ADGRB3: variants seen among roughly 807,000 people sequenced by gnomAD.
ADGRB3 encodes brain-specific angiogenesis inhibitor 3.
A neutral mutation model predicts 193.4 loss-of-function variants in ADGRB3; 37 were observed. The ratio of observed to expected loss-of-function variants is 0.19; its 90% CI spans 0.15 to 0.25. The LOEUF is 0.25. Among genes scored for constraint, ADGRB3 ranks in the 10% least tolerant of loss-of-function variants. ADGRB3 has a pLI of 1.00. For missense variants in ADGRB3, 1,637 were observed against 1,852.9 expected, an observed-to-expected ratio of 0.88 and a Z score of 2.14; for synonymous variants, 690 against 644.2, an observed-to-expected ratio of 1.07 and a Z score of -1.08.
chr6:68,807,037 C>A (rs1324143612), intron 3 of ADGRB3, among the ~76,000 whole-genome samples: 1 of 151,996 alleles, frequency 6.6e-6, no homozygotes, highest in African/African-American at 2.4e-5. Context: ...AATGATGTAA[C>A]ACAACTTAAC....
intron 3 of ADGRB3, among the ~76,000 whole-genome samples, chr6:68,668,190 A>G (rs1768847701): frequency 6.6e-6 from 1 of 152,022 alleles, no homozygotes. Flanking sequence ...TCTTTTCATA[A>G]GCATCAATAG....
chr6:69,244,811 C>A (rs970610030), intron 20 of ADGRB3, among the ~76,000 whole-genome samples: 3 of 152,006 alleles, frequency 2.0e-5, no homozygotes, highest in Non-Finnish European at 2.9e-5. Flanking sequence ...ACGTATGGAG[C>A]ACTTAACCCA....
chr6:68,997,488 C>CAAAAAAAAAAAAAAA (rs748557247), intron 11 of ADGRB3, among the ~76,000 whole-genome samples: 6 of 52,158 alleles, frequency 1.2e-4, no homozygotes, highest in Admixed American at 2.5e-4. Context: ...ACTAAAAATA[C>CAAAAAAAAAAAAAAA]AAAAAAAAAA....
At chr6:68,818,302 A>T (rs1052272783) in intron 3 of ADGRB3, among the ~76,000 whole-genome samples, 4 of 152,058 alleles carry the variant, frequency 2.6e-5, no homozygotes, top group African/African-American at 9.7e-5. Flanking sequence ...CTATACTTTC[A>T]TAAGGATGCT....
At chr6:69,211,369 C>T (rs1485080968) in intron 17 of ADGRB3, among the ~76,000 whole-genome samples, 1 of 152,038 alleles carries the variant, frequency 6.6e-6, no homozygotes, top group East Asian at 1.9e-4. Flanking sequence ...CATCTTTCTT[C>T]AGATTGTAGA....
intron 17 of ADGRB3, chr6:69,232,699 C>G: frequency 7.5e-7 from 1 of 1,324,812 alleles, no homozygotes; most frequent in Non-Finnish European, 1.0e-6. Flanking sequence ...GATGCCGCTG[C>G]TGCTGCTTCC....
intron 1 of ADGRB3, among the ~76,000 whole-genome samples, chr6:68,636,712 C>T (rs1161967443): frequency 6.6e-6 from 1 of 151,994 alleles, no homozygotes. Context: ...AGAGCTATTT[C>T]CTCACTCTCT....
At chr6:68,751,413 C>T in intron 3 of ADGRB3, among the ~76,000 whole-genome samples, 1 of 152,124 alleles carries the variant, frequency 6.6e-6, no homozygotes, top group Non-Finnish European at 1.5e-5. Context: ...AAGTTTCCAT[C>T]TTATCTCCTT....
chr6:69,295,736 G>A (rs1429363063), intron 20 of ADGRB3, among the ~76,000 whole-genome samples: 1 of 152,172 alleles, frequency 6.6e-6, no homozygotes, highest in African/African-American at 2.4e-5. Flanking sequence ...ATGTGCAGTA[G>A]TCTACCTTTA....
At chr6:69,255,630 A>C (rs1766748211) in intron 20 of ADGRB3, among the ~76,000 whole-genome samples, 3 of 151,934 alleles carry the variant, frequency 2.0e-5, no homozygotes, top group Non-Finnish European at 4.4e-5. Flanking sequence ...AGGTTGCAAA[A>C]ATTTTCTCCC....
chr6:68,831,325 AGC>A (rs1767948821), intron 3 of ADGRB3, among the ~76,000 whole-genome samples: 1 of 142,776 alleles, frequency 7.0e-6, no homozygotes, highest in African/African-American at 2.7e-5. Flanking sequence ...AAAAAAAAAA[AGC>A]TGATTTTACT....
chr6:68,933,014 G>T (rs1308406322), intron 4 of ADGRB3, among the ~76,000 whole-genome samples: 1 of 150,462 alleles, frequency 6.6e-6, no homozygotes, highest in East Asian at 1.9e-4. Context: ...TGATAAAGTA[G>T]CATAGTTTGG....
At chr6:68,681,912 C>G (rs1764903916) in intron 3 of ADGRB3, among the ~76,000 whole-genome samples, 1 of 152,092 alleles carries the variant, frequency 6.6e-6, no homozygotes, top group Non-Finnish European at 1.5e-5. Flanking sequence ...AGTGTTGGCT[C>G]TAGTTGAGTA....
chr6:68,935,200 A>G (rs569238111), intron 4 of ADGRB3, among the ~76,000 whole-genome samples: 1 of 152,330 alleles, frequency 6.6e-6, no homozygotes, highest in Admixed American at 6.5e-5. Flanking sequence ...AGAATGTAAA[A>G]CCAACTACTT....
At chr6:69,291,041 G>A (rs1452785473) in intron 20 of ADGRB3, among the ~76,000 whole-genome samples, 3 of 152,128 alleles carry the variant, frequency 2.0e-5, no homozygotes, top group African/African-American at 7.2e-5. Flanking sequence ...AAGATCAGCA[G>A]TGAGGAATAA....
chr6:69,177,133 C>T (rs2150349932), intron 17 of ADGRB3, among the ~76,000 whole-genome samples: 1 of 152,124 alleles, frequency 6.6e-6, no homozygotes, highest in East Asian at 1.9e-4. Context: ...TTCAGTCCTG[C>T]TCTGATTTTC....
intron 17 of ADGRB3, among the ~76,000 whole-genome samples, chr6:69,201,430 C>T (rs1194654132): frequency 6.6e-6 from 1 of 151,788 alleles, no homozygotes; most frequent in Non-Finnish European, 1.5e-5. Context: ...TGATTATTTC[C>T]AACTTTTTTT....
rs1465363080 is a variant in ADGRB3, at chr6:69,040,359, TTCTTTCTTTCTTTCTTTCCTTCTCTC to T, written c.2108-7815_2108-7790del. 5.9e-3 allele frequency among the ~76,000 whole-genome samples: 316 copies of T among 53,800 alleles called. 8 individuals carry two copies. Among genetic ancestry groups the T allele is most frequent in the Non-Finnish European group, 9.3e-3 (237 of 25,364 alleles). The allele number at this position is 53,800 out of a possible 152,430, so 35.3% of individuals were successfully genotyped here. ...TTTCTTTCTTTCTTTCTTTCTTTCT[TTCTTTCTTTCTTTCTTTCCTTCTCTC>T]TCTTTCTTTCCTTCACGCAGGTGAC... On this transcript the variant is annotated intron_variant, in intron 13 of 31. Transcript: ENST00000370598.
chr6:68,701,423 G>T (rs775374648), intron 3 of ADGRB3, among the ~76,000 whole-genome samples: 1 of 152,080 alleles, frequency 6.6e-6, no homozygotes, highest in Non-Finnish European at 1.5e-5. Context: ...GTCCAAATGA[G>T]AATCCAGTCA....
Sources: gnomAD v4.1 joint callset for allele counts (sites outside exome capture counted in the v4.1 genomes callset) on GRCh38, gnomAD v4.1.1 for gene constraint, MANE v1.5 for transcripts, NCBI Gene and HGNC (gene_info 2026-07-23, HGNC 2026-07-21) for gene names.